The following ATRNL1 variants were observed in gnomAD, a reference collection of about 807,000 sequenced individuals.
The protein encoded by ATRNL1 is attractin like 1.
ATRNL1 carries 95 observed loss-of-function variants against 182.7 expected under a neutral mutation model. The ratio of observed to expected loss-of-function variants is 0.52; its 90% CI spans 0.44 to 0.62. The LOEUF (loss-of-function observed/expected upper bound fraction) is 0.62. Among genes scored for constraint, ATRNL1 ranks in the 20% least tolerant of loss-of-function variants. The probability of loss-of-function intolerance (pLI) is 0.00; values close to 1 mark genes in which losing one functional copy is unlikely to be tolerated. For synonymous variants in ATRNL1, 576 were observed against 568.3 expected (o/e 1.01, Z -0.19); for missense variants, 1,471 against 1,679.5 (o/e 0.88, Z 2.17).
chr10:115,130,641 G>T (rs1249522305), intron 5 of ATRNL1, among the ~76,000 whole-genome samples: 2 of 151,904 alleles, frequency 1.3e-5, no homozygotes, highest in African/African-American at 4.8e-5. Context: ...GTAATTACAG[G>T]GACATGTATT....
intron 27 of ATRNL1, among the ~76,000 whole-genome samples, chr10:115,735,357 T>G (rs1947918854): frequency 6.6e-6 from 1 of 151,746 alleles, no homozygotes. Context: ...ACTCACACAT[T>G]GTGTTCACGT....
chr10:115,652,478 A>G (rs1555034606), intron 26 of ATRNL1, among the ~76,000 whole-genome samples: 10 of 152,070 alleles, frequency 6.6e-5, no homozygotes. Flanking sequence ...TTTCTATTGA[A>G]TTATTTCTGA....
intron 17 of ATRNL1, among the ~76,000 whole-genome samples, chr10:115,304,551 C>A (rs933213314): frequency 6.6e-6 from 1 of 152,114 alleles, no homozygotes; most frequent in Non-Finnish European, 1.5e-5. Context: ...GGGATGGGGG[C>A]TCCACAGCCG....
chr10:115,105,948 A>G (rs1207763876), intron 1 of ATRNL1, among the ~76,000 whole-genome samples: 1 of 152,178 alleles, frequency 6.6e-6, no homozygotes, highest in African/African-American at 2.4e-5. Context: ...CTACTGGAAC[A>G]TTGCCTAGTG....
chr10:115,473,762 G>A (rs1338775370), intron 24 of ATRNL1, among the ~76,000 whole-genome samples: 2 of 151,212 alleles, frequency 1.3e-5, no homozygotes, highest in Non-Finnish European at 3.0e-5. Context: ...TATTTTTGAT[G>A]TGACCAAGTT....
At chr10:115,193,318 A>G (rs1164514181) in intron 8 of ATRNL1, among the ~76,000 whole-genome samples, 1 of 151,998 alleles carries the variant, frequency 6.6e-6, no homozygotes, top group African/African-American at 2.4e-5. Flanking sequence ...AAATGGCCGT[A>G]TGATTTTTCT....
At chr10:115,776,282 G>A (rs1221960347) in intron 27 of ATRNL1, among the ~76,000 whole-genome samples, 2 of 152,178 alleles carry the variant, frequency 1.3e-5, no homozygotes, top group African/African-American at 4.8e-5. Flanking sequence ...TCTGGACATG[G>A]AGTATCTGTA....
At chr10:115,119,495 G>T (rs1409371896) in intron 1 of ATRNL1, among the ~76,000 whole-genome samples, 1 of 151,634 alleles carries the variant, frequency 6.6e-6, no homozygotes, top group Non-Finnish European at 1.5e-5. Context: ...TGGGCTGGAA[G>T]TAAAAAAAAC....
chr10:115,688,302 T>C (rs1946283681), intron 26 of ATRNL1, among the ~76,000 whole-genome samples: 1 of 152,186 alleles, frequency 6.6e-6, no homozygotes, highest in African/African-American at 2.4e-5. Flanking sequence ...ATCCCCTTGA[T>C]ACACTGATTT....
At chr10:115,444,480 A>G (rs1195567354) in intron 21 of ATRNL1, among the ~76,000 whole-genome samples, 1 of 152,036 alleles carries the variant, frequency 6.6e-6, no homozygotes, top group African/African-American at 2.4e-5. Flanking sequence ...ATTTCTTGGT[A>G]AACTGATTCT....
chr10:115,941,682 C>T (rs1953734245), intron 28 of ATRNL1, among the ~76,000 whole-genome samples: 1 of 152,044 alleles, frequency 6.6e-6, no homozygotes, highest in Non-Finnish European at 1.5e-5. Context: ...TAGTTGGTGC[C>T]AGGAATAAAA....
chr10:115,291,738 A>AT (rs1418208681), intron 15 of ATRNL1, among the ~76,000 whole-genome samples: 3 of 143,952 alleles, frequency 2.1e-5, no homozygotes, highest in Non-Finnish European at 3.0e-5. Context: ...TTGTTCTGAT[A>AT]TTGTTGGATT....
chr10:115,577,349 A>G (rs1384653347), intron 26 of ATRNL1, among the ~76,000 whole-genome samples: 1 of 151,788 alleles, frequency 6.6e-6, no homozygotes, highest in Non-Finnish European at 1.5e-5. Context: ...TAATTCTTCA[A>G]TCCATTAACA....
intron 27 of ATRNL1, among the ~76,000 whole-genome samples, chr10:115,794,568 G>A (rs1949605847): frequency 6.6e-6 from 1 of 152,020 alleles, no homozygotes; most frequent in African/African-American, 2.4e-5. Context: ...ATTTTATAAT[G>A]GATTTTAGAA....
intron 28 of ATRNL1, among the ~76,000 whole-genome samples, chr10:115,856,413 A>G (rs1555102023): frequency 8.1e-6 from 1 of 122,978 alleles, no homozygotes; most frequent in Non-Finnish European, 1.6e-5. Context: ...GGGCAACAAG[A>G]GCGAAGCTCC....
intron 26 of ATRNL1, among the ~76,000 whole-genome samples, chr10:115,673,037 A>T (rs1593045925): frequency 6.6e-6 from 1 of 152,136 alleles, no homozygotes; most frequent in East Asian, 1.9e-4. Context: ...TTTAGGAATG[A>T]ATATGGTCCC....
At chr10:115,882,893 A>C (rs1871641) in intron 28 of ATRNL1, among the ~76,000 whole-genome samples, 151,303 of 152,344 alleles carry the variant, frequency 0.99, 75,146 homozygotes, top group Middle Eastern at 1. Context: ...CCAGTTATTT[A>C]TGGAAGGAAT....
At chr10:115,338,831 A>G (rs782134528) in intron 19 of ATRNL1, among the ~76,000 whole-genome samples, 4 of 152,106 alleles carry the variant, frequency 2.6e-5, no homozygotes, top group South Asian at 2.1e-4. Context: ...TTTTTCCCCA[A>G]TGTTTTGTTC....
chr10:115,279,689 G>A (rs7893964), intron 13 of ATRNL1, among the ~76,000 whole-genome samples: 1,780 of 152,238 alleles, frequency 0.012, 33 homozygotes, highest in African/African-American at 0.039. Context: ...ACCAAAAGAT[G>A]CCTGTTTAGG....
Sources: gnomAD v4.1 joint callset for allele counts (sites outside exome capture counted in the v4.1 genomes callset) on GRCh38, gnomAD v4.1.1 for gene constraint, MANE v1.5 for transcripts, NCBI Gene and HGNC (gene_info 2026-07-23, HGNC 2026-07-21) for gene names.